SPTBN5: variants seen among roughly 807,000 people sequenced by gnomAD.
SPTBN5 encodes spectrin beta chain, non-erythrocytic 5.
Under a neutral mutation model 477.6 loss-of-function variants are expected in SPTBN5, and 513 were observed. The ratio of observed to expected loss-of-function variants is 1.07; its 90% confidence interval spans 1.00 to 1.16. The LOEUF is 1.16. SPTBN5 is among the 50% of genes most tolerant of loss of function. SPTBN5 has a pLI of 0.00. For missense variants in SPTBN5, 5,062 were observed against 4,731.8 expected (o/e 1.07, Z -2.05); for synonymous variants, 2,169 against 2,011.7 (o/e 1.08, Z -2.09).
intron 55 of SPTBN5, 75 bp downstream of exon 55, chr15:41,855,149 C>T: frequency 6.6e-7 from 1 of 1,517,534 alleles, no homozygotes; most frequent in East Asian, 2.3e-5. Context: ...GACTCCCCAG[C>T]AACCCTTTCA....
intron 62 of SPTBN5, 33 bp downstream of exon 62, chr15:41,852,149 C>A: frequency 6.5e-7 from 1 of 1,547,604 alleles, no homozygotes; most frequent in South Asian, 1.2e-5. Context: ...GAGACCACGG[C>A]GGGGGTGCCT....
In SPTBN5 at chr15:41,857,462, C is replaced by G; in HGVS notation, c.8397G>C (p.Leu2799=). 1 of 1,609,062 alleles carries G rather than the reference C, an allele frequency of 6.2e-7. No homozygotes were observed. The highest frequency in any genetic ancestry group is 8.5e-7 in the Non-Finnish European group (1 of 1,177,528). Residue 2799 remains leucine (L), a synonymous_variant, in exon 51 of 68, where the codon CTG becomes CTC. Coordinates refer to ENST00000320955, the MANE Select transcript of SPTBN5 (RefSeq NM_016642.4). The part of the protein sequence containing the change: ...ALRLRRSMEE[L]ENWLEPIEVE... ...CCTCGATGGGCTCCAGCCAGTTCTC[C>G]AGTTCCTCCATGCTCCGCCGCAGAC...
chr15:41,862,149 T>C lies in SPTBN5; in HGVS notation c.7529A>G (p.Glu2510Gly), dbSNP rs1470393153. ...ATTCACCTTGCACTCCTGATGCTCTTCTAACATACGCCGGGCTTCCACAGG... is the reference window on the plus strand; with the variant it reads ...ATTCACCTTGCACTCCTGATGCTCTCCTAACATACGCCGGGCTTCCACAGG... The part of the protein sequence containing the change: ...RSPVEARRML[E>G]EHQECKAELD... Residue 2510 changes from glutamate to glycine, a missense_variant, in exon 44 of 68, where the codon GAA becomes GGA. Coordinates refer to ENST00000320955, the MANE Select transcript of SPTBN5 (RefSeq NM_016642.4). The C allele has an allele frequency of 1.3e-6, 2 of 1,592,226 alleles. No homozygotes were observed. The highest frequency in any genetic ancestry group is 1.7e-6 in the Non-Finnish European group (2 of 1,167,158).
chr15:41,871,838 G>C lies in SPTBN5; in HGVS notation c.5245C>G (p.Gln1749Glu). 1.3e-6 allele frequency: 2 copies of C among 1,590,336 alleles called. No individual in the cohort carries two copies. The highest frequency in any genetic ancestry group is 1.7e-6 in the Non-Finnish European group (2 of 1,168,966). ...TCCCCTCCTTTGGCTGCCTGCTTCT[G>C]GCTTGCCAGCCAGCCCTGCAGGTCC... ...AEDLQGWLAS[Q>E]KQAAKGGESL... Residue 1749 changes from glutamine to glutamate, a missense_variant, in exon 28 of 68, where the codon CAG (glutamine) becomes GAG (glutamate). Gln to Glu is a conservative substitution (Grantham distance 29, BLOSUM62 2). Coordinates refer to ENST00000320955, the MANE Select transcript of SPTBN5 (RefSeq NM_016642.4).
intron 32 of SPTBN5, among the ~76,000 whole-genome samples, chr15:41,868,877 A>G (rs1243363102): frequency 6.6e-6 from 1 of 152,128 alleles, no homozygotes; most frequent in Non-Finnish European, 1.5e-5. Flanking sequence ...ATCTCTACAG[A>G]GCTCACCTGG....
chr15:41,885,719 A>G lies in SPTBN5; in HGVS notation c.1520+16T>C. ...CCTCAGCCAGCTGTGGGGAGAGTTCATGTGCTGGGGCTCACCTGCGGGCCA... is the reference window on the plus strand; with the variant it reads ...CCTCAGCCAGCTGTGGGGAGAGTTCGTGTGCTGGGGCTCACCTGCGGGCCA... On this transcript the variant is annotated intron_variant, in intron 7 of 67. Coordinates refer to ENST00000320955, the MANE Select transcript of SPTBN5 (RefSeq NM_016642.4). The G allele has an allele frequency of 1.9e-6, 3 of 1,546,998 alleles. No individual in the cohort carries two copies. Among genetic ancestry groups the G allele is most frequent in the South Asian group, 1.2e-5 (1 of 83,778 alleles).
In SPTBN5 at chr15:41,853,716, A is replaced by T. The variant is rs896578998; in HGVS notation, c.9846T>A (p.His3282Gln). 1.9e-6 allele frequency: 3 copies of T among 1,594,824 alleles called. No homozygotes were observed. Among genetic ancestry groups the T allele is most frequent in the Non-Finnish European group, 1.7e-6 (2 of 1,171,466 alleles). ...TGGCCAGGCCCCCCGGAGCTGCAGG[A>T]TGTAGCTGGCCCAGTCGGCAGGCCT... ...QTEACRLGQL[H>Q]PAAPGGLAKV... Residue 3282 changes from histidine to glutamine, a missense_variant, in exon 58 of 68, where the codon CAT becomes CAA. Transcript: ENST00000320955.
Position 41,858,761 on chromosome 15 carries a change from G to T in SPTBN5, c.8080-13C>A, listed in dbSNP as rs1168577105. ...GCCACGCAGCCACCTGGGCACATGGGGAGGACAGGCCTGCTGTCCAGGGCT... is the reference window on the plus strand; with the variant it reads ...GCCACGCAGCCACCTGGGCACATGGTGAGGACAGGCCTGCTGTCCAGGGCT... On this transcript the variant is annotated splice_polypyrimidine_tract_variant and intron_variant, in intron 48 of 67. Coordinates refer to ENST00000320955, the MANE Select transcript of SPTBN5 (RefSeq NM_016642.4). The T allele has an allele frequency of 6.2e-7, 1 of 1,607,502 alleles. No individual in the cohort carries two copies. The highest frequency in any genetic ancestry group is 2.2e-5 in the East Asian group (1 of 44,732).
Position 41,877,061 on chromosome 15 carries a change from G to A in SPTBN5, c.3711+55C>T, listed in dbSNP as rs1245187775. ...GCCTGGCTTCTGGACTCAAGGGGAT[G>A]AGCTCCCTCCAGTGATGGGGAGTGA... On this transcript the variant is annotated intron_variant, in intron 18 of 67. Transcript: ENST00000320955. 20 of 1,606,950 alleles carry A rather than the reference G, an allele frequency of 1.2e-5. No homozygotes were observed. In the East Asian group the frequency reaches 1.6e-4, roughly 13 times the overall value.
chr15:41,881,377 C>T, intron 12 of SPTBN5, 143 bp from the exon 13 acceptor site: 2 of 662,452 alleles, frequency 3.0e-6, no homozygotes, highest in Admixed American at 3.0e-5. Context: ...GTCTGGGGGA[C>T]AGGAAGCTTC....
At position 41,855,611 on chromosome 15, in the gene SPTBN5, G is replaced by C; in HGVS notation, c.9156C>G (p.Ser3052Arg). The C allele has an allele frequency of 6.2e-7, 1 of 1,611,286 alleles. No individual in the cohort carries two copies. ...EATKRDLEAF[S>R]PRIERLQQTA... ...TCTGCTGCAGCCGCTCGATGCGTGG[G>C]CTGAACGCTTCCAGGTCTCTCTTGG... Residue 3052 changes from serine (S) to arginine (R), a missense_variant, in exon 54 of 68, where the codon AGC becomes AGG. Ser to Arg is a moderately radical substitution (Grantham distance 110). Transcript: ENST00000320955.
chr15:41,892,290 C>T (rs1048645204), intron 3 of SPTBN5, among the ~76,000 whole-genome samples: 2 of 152,300 alleles, frequency 1.3e-5, no homozygotes, highest in Non-Finnish European at 1.5e-5. Context: ...CCAATGATCC[C>T]TTTGCCCCAC....
At chr15:41,871,605 A>G in intron 28 of SPTBN5, 85 bp from the exon 29 acceptor site, 2 of 1,415,220 alleles carry the variant, frequency 1.4e-6, no homozygotes, top group Middle Eastern at 1.9e-4. Context: ...TCAGTGCCCA[A>G]CTGGGTGATG....
In SPTBN5 at chr15:41,874,327, A is replaced by G. The variant is rs933194598; in HGVS notation, c.4654T>C (p.Leu1552=). 6.2e-7 allele frequency: 1 copy of G among 1,613,668 alleles called. No homozygotes were observed. Among genetic ancestry groups the G allele is most frequent in the Non-Finnish European group, 8.5e-7 (1 of 1,179,788 alleles). The stretch of plus-strand genomic sequence containing the variant: ...CGGTGAAGGCTCTGGGCACCATTCA[A>G]GCACTCGGTATAGCTGGTGGGGCTG... ...HGSPTSYTEC[L]NGAQSLHRKH... is the part of the protein sequence containing the mutation. The change falls in exon 24 of 68, where the codon TTG becomes CTG. Residue 1552 remains leucine (L), a synonymous_variant. Transcript: ENST00000320955.
In SPTBN5 at chr15:41,885,935, ACT is replaced by A. The variant is rs755748693; in HGVS notation, c.1318_1319del (p.Ser440PhefsTer3). 11 of 1,572,136 alleles carry A rather than the reference ACT, an allele frequency of 7.0e-6. No homozygotes were observed. The highest frequency in any genetic ancestry group is 9.5e-6 in the Non-Finnish European group (11 of 1,158,882). On this transcript the variant is annotated frameshift_variant, in exon 7 of 68. Transcript: ENST00000320955. LOFTEE classifies it high-confidence loss of function. ...RFQHKAALRE[S>X]FLKDAEQVLD... is the part of the protein sequence containing the mutation. ...GCACCTGCTCTGCATCCTTAAGGAA[ACT>A]CTCCCGGAGGGCTGCCTTGTGCTGG... is the stretch of plus-strand genomic sequence containing the variant.
chr15:41,887,454 T>C lies in SPTBN5; in HGVS notation c.660-13A>G. ...CAACAGGTCTGGCCTGGACAGACAGTGAGAAGGGCTCTTCACCAGCAGGAA... is the reference window on the plus strand; with the variant it reads ...CAACAGGTCTGGCCTGGACAGACAGCGAGAAGGGCTCTTCACCAGCAGGAA... On this transcript the variant is annotated splice_polypyrimidine_tract_variant and intron_variant, in intron 5 of 67. Coordinates refer to ENST00000320955, the MANE Select transcript of SPTBN5 (RefSeq NM_016642.4). 1.3e-6 allele frequency: 2 copies of C among 1,541,236 alleles called. No individual in the cohort carries two copies. The highest frequency in any genetic ancestry group is 1.4e-5 in the African/African-American group (1 of 72,998).
At chr15:41,857,161 A>G in intron 51 of SPTBN5, 77 bp downstream of exon 51, 4 of 1,520,124 alleles carry the variant, frequency 2.6e-6, no homozygotes, top group Middle Eastern at 3.8e-4. Context: ...AAGTGAGAAG[A>G]CATCAGTTAA....
At position 41,855,540 on chromosome 15, in the gene SPTBN5, T is replaced by TCC; in HGVS notation, c.9218+7_9218+8dup. On this transcript the variant is annotated intron_variant, in intron 54 of 67. Transcript: ENST00000320955. ...CTGCTCCTTCGCGGATGGTGTGGCTTCCGCCCACCTTTCTGGGTTCTTCCT... is the reference window on the plus strand; with the variant it reads ...CTGCTCCTTCGCGGATGGTGTGGCTTCCCCGCCCACCTTTCTGGGTTCTTCCT... 2 of 1,607,202 alleles carry TCC rather than the reference T, an allele frequency of 1.2e-6. No individual in the cohort carries two copies. Among genetic ancestry groups the TCC allele is most frequent in the South Asian group, 2.2e-5 (2 of 90,902 alleles).
chr15:41,878,058 C>T (rs1397947200), intron 17 of SPTBN5, among the ~76,000 whole-genome samples: 2 of 152,172 alleles, frequency 1.3e-5, no homozygotes, highest in East Asian at 1.9e-4. Flanking sequence ...AGCAATGCAT[C>T]GGGCCCACCT....
Sources: gnomAD v4.1 joint callset for allele counts (sites outside exome capture counted in the v4.1 genomes callset) on GRCh38, gnomAD v4.1.1 for gene constraint, MANE v1.5 for transcripts, NCBI Gene and HGNC (gene_info 2026-07-23, HGNC 2026-07-21) for gene names.